Variants in EHD3 observed in about 807,000 individuals in gnomAD.
EHD3 encodes EH domain containing 3.
In EHD3, 17 loss-of-function variants were observed where a neutral mutation model predicts 43.0. That is an observed-to-expected ratio of 0.40 (90% CI 0.27 to 0.59). EHD3 has a LOEUF of 0.59. EHD3 is among the 20% of genes least tolerant of loss of function. The probability of loss-of-function intolerance (pLI) is 0.49; values close to 1 mark genes in which losing one functional copy is unlikely to be tolerated. For synonymous variants in EHD3, 313 were observed against 289.5 expected (o/e 1.08, Z -0.82); for missense variants, 594 against 705.6 (o/e 0.84, Z 1.79).
Position 31,266,038 on chromosome 2 carries a change from C to T in EHD3, c.1081-139C>T. On this transcript the variant is annotated intron_variant, in intron 5 of 5. Transcript: ENST00000322054. The surrounding 1 kb of genome is among the most constrained non-coding windows in gnomAD (Gnocchi z 5.1). ...TCGATTACCACGTGATGTCCATCAGCTGAGCCTCTAGGTCACAGGTCTTTC... is the reference window on the plus strand; with the variant it reads ...TCGATTACCACGTGATGTCCATCAGTTGAGCCTCTAGGTCACAGGTCTTTC... 1 of 1,106,938 alleles carries T rather than the reference C, an allele frequency of 9.0e-7. No homozygotes were observed. The highest frequency in any genetic ancestry group is 2.8e-5 in the Admixed American group (1 of 36,034). 68.6% of individuals were successfully genotyped at this position (1,106,938 alleles called of 1,614,324 possible). A position where few individuals can be genotyped will look rare whatever the true frequency, so the allele number is the denominator to read the frequency against.
At chr2:31,247,945 A>G (rs930031001) in intron 2 of EHD3, among the ~76,000 whole-genome samples, 2 of 152,216 alleles carry the variant, frequency 1.3e-5, no homozygotes, top group African/African-American at 4.8e-5. Context: ...CACCTATGAA[A>G]TCGTGAGGTT....
At chr2:31,252,496 G>A (rs563195720) in intron 3 of EHD3, among the ~76,000 whole-genome samples, 24 of 152,164 alleles carry the variant, frequency 1.6e-4, no homozygotes, top group Non-Finnish European at 3.1e-4. Context: ...GTTGTTTTGA[G>A]ACGGAGTCTC....
chr2:31,266,774 A>C lies in EHD3; in HGVS notation c.*70A>C. 1 of 1,399,166 alleles carries C rather than the reference A, an allele frequency of 7.1e-7. No homozygotes were observed. The highest frequency in any genetic ancestry group is 1.4e-5 in the African/African-American group (1 of 70,246). 86.7% of individuals were successfully genotyped at this position (1,399,166 alleles called of 1,614,324 possible). Reference sequence around the variant, plus strand: ...GGGAGCGGTGACTACACACACACACACACACACACACACACACACAAACAT... The same window carrying C: ...GGGAGCGGTGACTACACACACACACCCACACACACACACACACACAAACAT... On this transcript the variant is annotated 3_prime_UTR_variant, in exon 6 of 6. Coordinates refer to ENST00000322054, the MANE Select transcript of EHD3 (RefSeq NM_014600.3). This position sits in a 1 kb window ranked among gnomAD's most constrained non-coding sequence, Gnocchi z 5.1.
rs368092895 is a variant in EHD3 at position 31,259,792 on chromosome 2, T to C, written c.503-718T>C. Among the ~76,000 whole-genome samples, 4 of 152,328 alleles carry C rather than the reference T, an allele frequency of 2.6e-5. No individual in the cohort carries two copies. In the East Asian group the frequency reaches 7.7e-4, roughly 29 times the overall value. ...TCAGACCTTAGAAAGAATTTCTGGG[T>C]CTTTGTGTCAGATTAGGTGTCCAGA... is the stretch of plus-strand genomic sequence containing the variant. On this transcript the variant is annotated intron_variant, in intron 3 of 5. Transcript: ENST00000322054.
At chr2:31,248,128 G>A (rs951336718) in intron 2 of EHD3, among the ~76,000 whole-genome samples, 7 of 152,108 alleles carry the variant, frequency 4.6e-5, no homozygotes, top group African/African-American at 4.8e-5. Flanking sequence ...AGATTTGTCC[G>A]CACAAGGTGC....
intron 2 of EHD3, among the ~76,000 whole-genome samples, chr2:31,246,441 C>T (rs1683527004): frequency 6.6e-6 from 1 of 151,882 alleles, no homozygotes; most frequent in Non-Finnish European, 1.5e-5. Context: ...GAGCTGGACC[C>T]CAGGGGAGAG....
At chr2:31,263,158 A>G (rs1202849657) in intron 5 of EHD3, among the ~76,000 whole-genome samples, 1 of 152,250 alleles carries the variant, frequency 6.6e-6, no homozygotes, top group East Asian at 1.9e-4. Context: ...ATTCACTCAT[A>G]TAACCACCTA....
chr2:31,254,599 T>A (rs1683709150), intron 3 of EHD3, among the ~76,000 whole-genome samples: 1 of 152,224 alleles, frequency 6.6e-6, no homozygotes, highest in African/African-American at 2.4e-5. Context: ...CCTCTTTTGC[T>A]CAAATGCCTT....
At chr2:31,237,182 AAC>A (rs1683339993) in intron 1 of EHD3, among the ~76,000 whole-genome samples, 1 of 152,158 alleles carries the variant, frequency 6.6e-6, no homozygotes, top group Non-Finnish European at 1.5e-5. Context: ...AAATCCAGTA[AAC>A]AGTTGTTTTT....
rs2148726783 is a variant in EHD3 at position 31,269,362 on chromosome 2, CTG to C, written c.*2659_*2660del. The C allele has an allele frequency of 6.6e-6, 1 of 152,346 alleles. No individual in the cohort carries two copies. Among genetic ancestry groups the C allele is most frequent in the East Asian group, 1.9e-4 (1 of 5,180 alleles). The allele number at this position is 152,346 out of a possible 1,614,324, so 9.4% of individuals were successfully genotyped here. On this transcript the variant is annotated 3_prime_UTR_variant, in exon 6 of 6. Coordinates refer to ENST00000322054, the MANE Select transcript of EHD3 (RefSeq NM_014600.3). ...TGACCAAAGTGTGACATGAATGTAA[CTG>C]AAATGCGGGTTAGTTGCTCAATGTA...
Position 31,260,757 on chromosome 2 carries a change from C to T in EHD3, c.750C>T (p.Ile250=), listed in dbSNP as rs200471807. Residue 250 remains isoleucine (I), a synonymous_variant, in exon 4 of 6, where the codon ATC becomes ATT. Transcript: ENST00000322054. The surrounding 1 kb of genome is among the most constrained non-coding windows in gnomAD (Gnocchi z 4.6). ...AGATCGTGAACACCCCAGAGGTGAT[C>T]CGGGTCTACATCGGCTCCTTCTGGT... ...LGKIVNTPEV[I]RVYIGSFWSH... The T allele has an allele frequency of 2.5e-6, 4 of 1,614,172 alleles. No individual in the cohort carries two copies.
At chr2:31,243,487 G>A (rs1468726668) in intron 1 of EHD3, among the ~76,000 whole-genome samples, 5 of 81,096 alleles carry the variant, frequency 6.2e-5, no homozygotes, top group Non-Finnish European at 8.9e-5. Flanking sequence ...ACAGAGTTTC[G>A]TTCTTGTTGC....
chr2:31,260,701 G>C lies in EHD3; in HGVS notation c.694G>C (p.Val232Leu). The C allele has an allele frequency of 6.2e-7, 1 of 1,614,210 alleles. No individual in the cohort carries two copies. The highest frequency in any genetic ancestry group is 8.5e-7 in the Non-Finnish European group (1 of 1,180,034). The stretch of plus-strand genomic sequence containing the variant: ...GATCGAGACGCAGCAGCTGATGCGG[G>C]TGTACGGGGCCCTCATGTGGTCCTT... ...DQIETQQLMR[V>L]YGALMWSLGK... The change falls in exon 4 of 6, where the codon GTG (valine) becomes CTG (leucine). Residue 232 changes from valine to leucine, a missense_variant. Around this residue, in one of 3 missense-constraint regions of EHD3, gnomAD observed 29 missense variants for 60.9 expected, o/e 0.48. Coordinates refer to ENST00000322054, the MANE Select transcript of EHD3 (RefSeq NM_014600.3). The surrounding 1 kb of genome is among the most constrained non-coding windows in gnomAD (Gnocchi z 4.6).
chr2:31,242,823 G>A (rs1683447517), intron 1 of EHD3, among the ~76,000 whole-genome samples: 1 of 152,104 alleles, frequency 6.6e-6, no homozygotes, highest in Non-Finnish European at 1.5e-5. Flanking sequence ...AGCCGGGCGT[G>A]GTGGCGGCTG....
intron 2 of EHD3, among the ~76,000 whole-genome samples, chr2:31,249,074 A>C (rs906789341): frequency 3.3e-5 from 5 of 152,322 alleles, no homozygotes; most frequent in African/African-American, 1.2e-4. Context: ...CTTTGATCAC[A>C]CATGAAGACC....
intron 1 of EHD3, among the ~76,000 whole-genome samples, chr2:31,240,096 C>T (rs1187943043): frequency 6.6e-6 from 1 of 152,170 alleles, no homozygotes; most frequent in Non-Finnish European, 1.5e-5. Flanking sequence ...CTCCAGGGAA[C>T]ACGGAGCTGA....
rs765195110 is a variant in EHD3 at position 31,245,735 on chromosome 2, GTTTTTTTTTTTTT to G, written c.404+1298_404+1310del. Among the ~76,000 whole-genome samples, 434 of 68,328 alleles carry G rather than the reference GTTTTTTTTTTTTT, an allele frequency of 6.4e-3. 3 individuals carry two copies. The highest frequency in any genetic ancestry group is 0.024 in the African/African-American group (412 of 17,086). The allele number at this position is 68,328 out of a possible 152,430, so 44.8% of individuals were successfully genotyped here. A position where few individuals can be genotyped will look rare whatever the true frequency, so the allele number is the denominator to read the frequency against. On this transcript the variant is annotated intron_variant, in intron 2 of 5. Transcript: ENST00000322054. ...TGCCACCACGCCCGACTAATTTTGT[GTTTTTTTTTTTTT>G]TTTTTTTTTTTTAGTAGAGACAGGG...
At chr2:31,246,738 G>A (rs1683530487) in intron 2 of EHD3, among the ~76,000 whole-genome samples, 1 of 152,020 alleles carries the variant, frequency 6.6e-6, no homozygotes, top group Non-Finnish European at 1.5e-5. Flanking sequence ...GGTGAGGTTG[G>A]GTGGGGGTGG....
At chr2:31,242,964 TAATAAATAAATA>T (rs530776564) in intron 1 of EHD3, among the ~76,000 whole-genome samples, 1 of 149,284 alleles carries the variant, frequency 6.7e-6, no homozygotes, top group African/African-American at 2.5e-5. Flanking sequence ...CCGTCTCAAA[TAATAAATAAATA>T]AATAAATAAA....
Sources: gnomAD v4.1 joint callset for allele counts (sites outside exome capture counted in the v4.1 genomes callset) on GRCh38, gnomAD v4.1.1 for gene constraint, gnomAD v4.1.1 regional missense constraint, Gnocchi (gnomAD v3.1) non-coding constraint, MANE v1.5 for transcripts, NCBI Gene and HGNC (gene_info 2026-07-23, HGNC 2026-07-21) for gene names.